LRRTM4: variants seen among roughly 807,000 people sequenced by gnomAD.
The protein encoded by LRRTM4 is leucine-rich repeat transmembrane neuronal protein 4.
In LRRTM4, 25 loss-of-function variants were observed where a neutral mutation model predicts 47.6. That is an observed-to-expected ratio of 0.53 (90% CI 0.38 to 0.73). The LOEUF is 0.73. Ranked by LOEUF, LRRTM4 falls within the 30% of genes least tolerant of loss-of-function variation. LRRTM4 has a pLI of 0.00. For synonymous variants in LRRTM4, 311 were observed against 269.5 expected (o/e 1.15, Z -1.51); for missense variants, 638 against 713.4 (o/e 0.89, Z 1.20).
intron 3 of LRRTM4, among the ~76,000 whole-genome samples, chr2:77,020,635 C>A (rs1433651780): frequency 6.6e-6 from 1 of 151,976 alleles, no homozygotes; most frequent in African/African-American, 2.4e-5. Context: ...AACAAAAAGC[C>A]AGAGGTAGTT....
chr2:77,353,022 A>C (rs1004912785), intron 3 of LRRTM4, among the ~76,000 whole-genome samples: 4 of 152,184 alleles, frequency 2.6e-5, no homozygotes, highest in African/African-American at 9.6e-5. Flanking sequence ...ATAAAATGCT[A>C]ATTTCTTTAT....
chr2:77,103,040 C>T (rs11900195), intron 3 of LRRTM4, among the ~76,000 whole-genome samples: 3,406 of 152,030 alleles, frequency 0.022, 108 homozygotes, highest in African/African-American at 0.071. Context: ...CAAATATGAC[C>T]CCATTTATAT....
intron 3 of LRRTM4, among the ~76,000 whole-genome samples, chr2:76,832,958 T>C (rs1671396531): frequency 6.6e-6 from 1 of 152,016 alleles, no homozygotes; most frequent in Non-Finnish European, 1.5e-5. Context: ...AAGGAGAGTA[T>C]GGCACACTAG....
At chr2:77,457,027 T>A (rs1213564721) in intron 3 of LRRTM4, among the ~76,000 whole-genome samples, 22 of 23,504 alleles carry the variant, frequency 9.4e-4, no homozygotes, top group Non-Finnish European at 1.9e-3. Flanking sequence ...TATATATATA[T>A]ATATATATAT....
intron 3 of LRRTM4, among the ~76,000 whole-genome samples, chr2:76,978,602 C>A (rs1425016811): frequency 1.3e-5 from 2 of 151,990 alleles, no homozygotes; most frequent in Non-Finnish European, 2.9e-5. Flanking sequence ...TTCCTTTGTT[C>A]ATTCTGTCAT....
rs138312077 is a variant in LRRTM4 at position 77,277,003 on chromosome 2, A to G, written c.1551+241315T>C. ...TTGAGATAATGGCTGTATATTCTCT[A>G]TCAGTATTCTGTGCTCGCCTATGTT... is the stretch of plus-strand genomic sequence containing the variant. On this transcript the variant is annotated intron_variant, in intron 3 of 3. Transcript: ENST00000409884. 9.9e-5 allele frequency among the ~76,000 whole-genome samples: 15 copies of G among 151,878 alleles called. No individual in the cohort carries two copies. The East Asian group carries it at 2.5e-3, about 26-fold the overall frequency.
chr2:77,020,660 A>G (rs1046072314), intron 3 of LRRTM4, among the ~76,000 whole-genome samples: 1 of 152,170 alleles, frequency 6.6e-6, no homozygotes, highest in Non-Finnish European at 1.5e-5. Context: ...ATGAAAAAAT[A>G]TCTCTATGCA....
At chr2:76,885,186 A>T (rs1428363653) in intron 3 of LRRTM4, among the ~76,000 whole-genome samples, 1 of 152,018 alleles carries the variant, frequency 6.6e-6, no homozygotes. Context: ...TAACTTCCAA[A>T]CTTACTCTAA....
intron 3 of LRRTM4, among the ~76,000 whole-genome samples, chr2:76,899,425 G>A (rs1341176915): frequency 1.3e-5 from 2 of 151,870 alleles, no homozygotes; most frequent in African/African-American, 4.8e-5. Context: ...AGTGTTGGAG[G>A]TGAATGATTT....
At chr2:77,108,592 C>CTTTTT (rs1193270795) in intron 3 of LRRTM4, among the ~76,000 whole-genome samples, 1 of 99,722 alleles carries the variant, frequency 1.0e-5, no homozygotes, top group African/African-American at 3.6e-5. Context: ...TTTTTTTTTT[C>CTTTTT]TTTTTTTTTG....
chr2:77,270,915 C>A (rs1441679030), intron 3 of LRRTM4, among the ~76,000 whole-genome samples: 2 of 152,138 alleles, frequency 1.3e-5, no homozygotes, highest in Non-Finnish European at 2.9e-5. Flanking sequence ...TTGCTTTAAG[C>A]TTTTTTGCAT....
chr2:77,265,461 C>T (rs1676026894), intron 3 of LRRTM4, among the ~76,000 whole-genome samples: 1 of 152,052 alleles, frequency 6.6e-6, no homozygotes, highest in African/African-American at 2.4e-5. Flanking sequence ...CTTCCCGCTG[C>T]CCCTGTGCTG....
At chr2:76,873,989 A>T (rs1211441923) in intron 3 of LRRTM4, among the ~76,000 whole-genome samples, 2 of 151,976 alleles carry the variant, frequency 1.3e-5, no homozygotes, top group African/African-American at 4.8e-5. Flanking sequence ...TTTAATAAAA[A>T]TTTTTGGAGT....
chr2:76,809,548 C>T (rs1050644757), intron 3 of LRRTM4, among the ~76,000 whole-genome samples: 4 of 152,168 alleles, frequency 2.6e-5, no homozygotes, highest in African/African-American at 9.7e-5. Context: ...GCTAATCCCT[C>T]AGCCAGGCAA....
intron 3 of LRRTM4, among the ~76,000 whole-genome samples, chr2:77,293,728 A>G (rs1162068833): frequency 6.6e-6 from 1 of 152,168 alleles, no homozygotes; most frequent in Non-Finnish European, 1.5e-5. Flanking sequence ...CCTTGCAATT[A>G]GACAAGGTCA....
At chr2:76,854,442 C>G (rs1257885232) in intron 3 of LRRTM4, among the ~76,000 whole-genome samples, 1 of 151,890 alleles carries the variant, frequency 6.6e-6, no homozygotes, top group African/African-American at 2.4e-5. Flanking sequence ...TGCACAATGA[C>G]CAAAATACAA....
chr2:76,793,850 G>A (rs1194449706), intron 3 of LRRTM4, among the ~76,000 whole-genome samples: 1 of 152,166 alleles, frequency 6.6e-6, no homozygotes, highest in East Asian at 1.9e-4. Context: ...CTGTAAGCCT[G>A]TAAGAAGGTC....
rs545594335 is a variant in LRRTM4, at chr2:77,168,578, A to G, written c.1551+349740T>C. 2.0e-5 allele frequency among the ~76,000 whole-genome samples: 3 copies of G among 152,270 alleles called. 1 individual carries two copies. The South Asian group carries it at 6.2e-4, about 32-fold the overall frequency. On this transcript the variant is annotated intron_variant, in intron 3 of 3. Transcript: ENST00000409884. Reference sequence around the variant, plus strand: ...TTAGGAAATATATTTCAAATCTTTTAGATATTTTGAAATATATGAGAAATG... The same window carrying G: ...TTAGGAAATATATTTCAAATCTTTTGGATATTTTGAAATATATGAGAAATG...
intron 3 of LRRTM4, among the ~76,000 whole-genome samples, chr2:76,815,171 A>G (rs1050832485): frequency 1.1e-4 from 17 of 152,170 alleles, no homozygotes; most frequent in African/African-American, 4.1e-4. Context: ...TATTATTTGA[A>G]TGAGTCAGTG....
Sources: gnomAD v4.1 joint callset for allele counts (sites outside exome capture counted in the v4.1 genomes callset) on GRCh38, gnomAD v4.1.1 for gene constraint, MANE v1.5 for transcripts, NCBI Gene and HGNC (gene_info 2026-07-23, HGNC 2026-07-21) for gene names.